The following NRG3 variants were observed in gnomAD, a reference collection of about 807,000 sequenced individuals.
NRG3 encodes the protein neuregulin 3.
A neutral mutation model predicts 66.9 loss-of-function variants in NRG3; 31 were observed. That is an observed-to-expected ratio of 0.46 (90% CI 0.35 to 0.63). The LOEUF is 0.63. Ranked by LOEUF, NRG3 falls within the 20% of genes least tolerant of loss-of-function variation. NRG3 has a pLI of 0.00. For synonymous variants in NRG3, 393 were observed against 359.4 expected (o/e 1.09, Z -1.06); for missense variants, 910 against 878.9 (o/e 1.04, Z -0.45).
At chr10:82,615,588 G>A in intron 2 of NRG3, among the ~76,000 whole-genome samples, 1 of 152,188 alleles carries the variant, frequency 6.6e-6, no homozygotes, top group East Asian at 1.9e-4. Context: ...TCTATTCTAG[G>A]CAAATGTTAA....
chr10:82,049,009 A>G (rs910577805), intron 1 of NRG3, among the ~76,000 whole-genome samples: 28 of 152,178 alleles, frequency 1.8e-4, no homozygotes, highest in Non-Finnish European at 2.9e-5. Flanking sequence ...AGAAATGGAT[A>G]AATTCCTCGA....
intron 4 of NRG3, among the ~76,000 whole-genome samples, chr10:82,934,873 A>G (rs1330661741): frequency 1.3e-5 from 2 of 152,242 alleles, no homozygotes; most frequent in Non-Finnish European, 2.9e-5. Context: ...ACAATGTCCA[A>G]CATTAAATGC....
At chr10:82,452,967 A>T (rs540554783) in intron 2 of NRG3, among the ~76,000 whole-genome samples, 1 of 152,214 alleles carries the variant, frequency 6.6e-6, no homozygotes, top group African/African-American at 2.4e-5. Flanking sequence ...GGTTCTATAT[A>T]ATGTAGTCCC....
At chr10:82,322,421 A>T (rs564419799) in intron 1 of NRG3, among the ~76,000 whole-genome samples, 1 of 152,350 alleles carries the variant, frequency 6.6e-6, no homozygotes, top group South Asian at 2.1e-4. Flanking sequence ...AGATTAAAAA[A>T]ATCTTTATAG....
chr10:81,911,279 A>T (rs752268453), intron 1 of NRG3, among the ~76,000 whole-genome samples: 1 of 152,170 alleles, frequency 6.6e-6, no homozygotes, highest in Non-Finnish European at 1.5e-5. Context: ...TGGGTTTTTA[A>T]AATGGGATTT....
chr10:82,643,119 C>G lies in NRG3; in HGVS notation c.954-95458C>G, dbSNP rs78901072. 3.6e-3 allele frequency among the ~76,000 whole-genome samples: 553 copies of G among 152,050 alleles called. 4 individuals are homozygous for G. The highest frequency in any genetic ancestry group is 0.013 in the African/African-American group (540 of 41,504). On this transcript the variant is annotated intron_variant, in intron 2 of 8. Transcript: ENST00000372141. ...CTTTTCTTTCTTATAACAAAGTTTT[C>G]TTTGAAGACATGTGATATGGTTTGG...
chr10:82,733,302 G>A (rs1049871431), intron 2 of NRG3, among the ~76,000 whole-genome samples: 5 of 152,080 alleles, frequency 3.3e-5, no homozygotes, highest in African/African-American at 1.2e-4. Context: ...AAGATTCCTA[G>A]GCATAAAAAT....
Position 82,973,873 on chromosome 10 carries a change from T to G in NRG3, c.1370T>G (p.Val457Gly). The G allele has an allele frequency of 1.2e-6, 2 of 1,613,996 alleles. No individual in the cohort carries two copies. Among genetic ancestry groups the G allele is most frequent in the Non-Finnish European group, 1.7e-6 (2 of 1,179,946 alleles). Residue 457 changes from valine (V) to glycine (G), a missense_variant, in exon 7 of 9, where the codon GTC becomes GGC. Coordinates refer to ENST00000372141, the MANE Select transcript of NRG3 (RefSeq NM_001010848.4). The part of the protein sequence containing the change: ...SFVGPQSFPE[V>G]PSPDRGSQSV... ...GTCGGCCCCCAGTCATTCCCTGAGG[T>G]CCCTTCTCCTGACAGAGGAAGCCAG...
Position 82,314,538 on chromosome 10 carries a change from G to A in NRG3, c.824-44201G>A, listed in dbSNP as rs142584576. On this transcript the variant is annotated intron_variant, in intron 1 of 8. Transcript: ENST00000372141. ...AAAATAAATAAATAGGCCAGGCACA[G>A]TGGCTCACGTCTGTAATCCCAGCAC... Among the ~76,000 whole-genome samples the A allele has an allele frequency of 8.5e-3, 1,292 of 152,296 alleles. 13 individuals are homozygous for A. The highest frequency in any genetic ancestry group is 0.029 in the African/African-American group (1,189 of 41,546).
chr10:82,285,936 G>A (rs771578722), intron 1 of NRG3, among the ~76,000 whole-genome samples: 16 of 152,140 alleles, frequency 1.1e-4, no homozygotes, highest in Non-Finnish European at 1.9e-4. Context: ...AGAATATTAA[G>A]AATATCCTTG....
chr10:82,646,472 T>C, intron 2 of NRG3, among the ~76,000 whole-genome samples: 1 of 152,192 alleles, frequency 6.6e-6, no homozygotes, highest in African/African-American at 2.4e-5. Context: ...ATTCCTGTTC[T>C]TTCTGCAAGT....
intron 1 of NRG3, among the ~76,000 whole-genome samples, chr10:81,893,323 GTGA>G (rs1391794085): frequency 4.6e-5 from 7 of 152,058 alleles, no homozygotes; most frequent in African/African-American, 1.7e-4. Context: ...TAATGGTTCT[GTGA>G]TGATGTATAT....
Position 81,875,554 on chromosome 10 carries a change from C to A in NRG3, c.214C>A (p.Leu72Met), listed in dbSNP as rs1282140658. 2.5e-6 allele frequency: 4 copies of A among 1,613,174 alleles called. No individual in the cohort carries two copies. Among genetic ancestry groups the A allele is most frequent in the Non-Finnish European group, 2.5e-6 (3 of 1,179,916 alleles). Residue 72 changes from leucine (L) to methionine (M), a missense_variant, in exon 1 of 9, where the codon CTG (leucine) becomes ATG (methionine). By Grantham distance (15) the Leu-to-Met change is conservative. Coordinates refer to ENST00000372141, the MANE Select transcript of NRG3 (RefSeq NM_001010848.4). This position sits in a 1 kb window ranked among gnomAD's most constrained non-coding sequence, Gnocchi z 5.3. Reference protein sequence around the residue: ...RQQTWLCVVPLFIGFIGLGLS... With the variant: ...RQQTWLCVVPMFIGFIGLGLS... ...GCAGACGTGGCTGTGCGTGGTACCT[C>A]TGTTCATCGGCTTCATCGGCCTGGG...
At chr10:82,086,493 C>T (rs1316787124) in intron 1 of NRG3, among the ~76,000 whole-genome samples, 4 of 152,052 alleles carry the variant, frequency 2.6e-5, no homozygotes, top group Non-Finnish European at 4.4e-5. Flanking sequence ...TATTTTCTCT[C>T]ATCTCTTTCA....
intron 2 of NRG3, among the ~76,000 whole-genome samples, chr10:82,693,495 G>A (rs1168674745): frequency 6.6e-6 from 1 of 152,168 alleles, no homozygotes; most frequent in African/African-American, 2.4e-5. Context: ...GTGGCTCCAT[G>A]TCTTACCAGC....
At chr10:82,326,117 C>T (rs1476322181) in intron 1 of NRG3, among the ~76,000 whole-genome samples, 2 of 152,084 alleles carry the variant, frequency 1.3e-5, no homozygotes, top group Non-Finnish European at 2.9e-5. Flanking sequence ...CTATAAATGG[C>T]TTTATTTCAC....
intron 1 of NRG3, among the ~76,000 whole-genome samples, chr10:82,314,655 A>T (rs1288961570): frequency 6.6e-6 from 1 of 151,890 alleles, no homozygotes; most frequent in Non-Finnish European, 1.5e-5. Flanking sequence ...AAAAATATTT[A>T]AAAAATTAGC....
chr10:82,125,926 A>G (rs1181407377), intron 1 of NRG3, among the ~76,000 whole-genome samples: 1 of 152,112 alleles, frequency 6.6e-6, no homozygotes, highest in Non-Finnish European at 1.5e-5. Flanking sequence ...CAATTAATCT[A>G]TTAGATAGCA....
chr10:82,417,959 G>A (rs2088701303), intron 2 of NRG3, among the ~76,000 whole-genome samples: 2 of 152,326 alleles, frequency 1.3e-5, no homozygotes, highest in South Asian at 4.1e-4. Context: ...GACTAGAATA[G>A]TTAGTGTTAT....
Sources: allele counts gnomAD v4.1 joint callset (sites outside exome capture counted in the v4.1 genomes callset), GRCh38; gene constraint gnomAD v4.1.1; non-coding constraint Gnocchi (gnomAD v3.1); transcripts MANE v1.5; gene names NCBI Gene and HGNC (gene_info 2026-07-23, HGNC 2026-07-21).